Variants in EHBP1 observed in about 807,000 individuals in gnomAD.
EHBP1 encodes the protein EH domain binding protein 1.
Under a neutral mutation model 144.0 loss-of-function variants are expected in EHBP1, and 55 were observed. The ratio of observed to expected loss-of-function variants is 0.38; its 90% CI spans 0.31 to 0.48. EHBP1 has a LOEUF of 0.48. EHBP1 is among the 20% of genes least tolerant of loss of function. The pLI is 0.98. For missense variants in EHBP1, 1,200 were observed against 1,364.2 expected (o/e 0.88, Z 1.90); for synonymous variants, 469 against 472.7 (o/e 0.99, Z 0.10).
At chr2:62,734,343 A>G (rs985075304) in intron 2 of EHBP1, among the ~76,000 whole-genome samples, 3 of 147,732 alleles carry the variant, frequency 2.0e-5, no homozygotes, top group African/African-American at 5.0e-5. Flanking sequence ...ACATTTTAAC[A>G]TTTCCATCTT....
At chr2:62,917,600 CTG>C (rs906830413) in intron 10 of EHBP1, among the ~76,000 whole-genome samples, 66 of 152,260 alleles carry the variant, frequency 4.3e-4, no homozygotes, top group African/African-American at 1.5e-3. Flanking sequence ...ATGCTTTATA[CTG>C]TGAACATAAC....
At chr2:62,953,486 C>T (rs1387282325) in intron 13 of EHBP1, among the ~76,000 whole-genome samples, 1 of 151,750 alleles carries the variant, frequency 6.6e-6, no homozygotes, top group Admixed American at 6.6e-5. Context: ...GAGGTCAAGG[C>T]TGCAGTGAGC....
intron 1 of EHBP1, among the ~76,000 whole-genome samples, chr2:62,676,500 G>C (rs868579675): frequency 3.9e-5 from 6 of 152,218 alleles, no homozygotes; most frequent in South Asian, 4.1e-4. Context: ...TTCACTCTGG[G>C]GGACTGTTTA....
At chr2:62,754,734 C>A (rs4671450) in intron 3 of EHBP1, among the ~76,000 whole-genome samples, 51,150 of 152,066 alleles carry the variant, frequency 0.34, 8,671 homozygotes, top group Middle Eastern at 0.44. Flanking sequence ...GTTCAATCTC[C>A]GACTGCTGTA....
chr2:62,677,617 A>G (rs2033349210), intron 1 of EHBP1, among the ~76,000 whole-genome samples: 1 of 152,078 alleles, frequency 6.6e-6, no homozygotes, highest in Admixed American at 6.6e-5. Context: ...CCCATTAACC[A>G]TCCCCACTTC....
At chr2:62,907,938 A>G (rs372166137) in intron 10 of EHBP1, among the ~76,000 whole-genome samples, 1 of 152,194 alleles carries the variant, frequency 6.6e-6, no homozygotes, top group African/African-American at 2.4e-5. Context: ...TGGAGGAGGA[A>G]CATTTGGCAA....
chr2:62,982,658 G>C (rs1348545547), intron 15 of EHBP1, among the ~76,000 whole-genome samples: 3 of 152,158 alleles, frequency 2.0e-5, no homozygotes, highest in African/African-American at 7.2e-5. Flanking sequence ...AACTAGGGTA[G>C]GAAGATTTTC....
intron 10 of EHBP1, among the ~76,000 whole-genome samples, chr2:62,875,122 C>T (rs1476900953): frequency 6.6e-6 from 1 of 152,196 alleles, no homozygotes; most frequent in Non-Finnish European, 1.5e-5. Context: ...TATGTGCACC[C>T]CACCTCATTG....
chr2:63,025,344 C>T (rs1475754246), intron 19 of EHBP1, among the ~76,000 whole-genome samples: 2 of 152,188 alleles, frequency 1.3e-5, no homozygotes. Flanking sequence ...TCGCTGCAGC[C>T]TCCATCTGTT....
chr2:62,688,675 C>G (rs2033802911), intron 1 of EHBP1, among the ~76,000 whole-genome samples: 1 of 152,068 alleles, frequency 6.6e-6, no homozygotes, highest in Non-Finnish European at 1.5e-5. Context: ...CTTTTCACTT[C>G]TATGAGATCA....
In EHBP1 at chr2:62,729,466, A is replaced by C. The variant is rs564514929; in HGVS notation, c.105-17929A>C. 3.8e-3 allele frequency among the ~76,000 whole-genome samples: 452 copies of C among 119,070 alleles called. 1 individual carries two copies. Among genetic ancestry groups the C allele is most frequent in the Non-Finnish European group, 4.6e-3 (285 of 61,308 alleles). 78.1% of individuals were successfully genotyped at this position (119,070 alleles called of 152,430 possible). A position where few individuals can be genotyped will look rare whatever the true frequency, so the allele number is the denominator to read the frequency against. On this transcript the variant is annotated intron_variant, in intron 2 of 22. Transcript: ENST00000431489. ...TATAATAATAAATATATAATATATA[A>C]ATATATAAAAATATATATAAATATA...
chr2:62,993,029 C>T (rs546630752), intron 16 of EHBP1, among the ~76,000 whole-genome samples: 3 of 152,168 alleles, frequency 2.0e-5, no homozygotes, highest in East Asian at 1.9e-4. Flanking sequence ...TAGGAAGCTC[C>T]GGAAAAGATA....
At position 62,737,234 on chromosome 2, in the gene EHBP1, A is replaced by C. The variant is rs994272171; in HGVS notation, c.105-10161A>C. On this transcript the variant is annotated intron_variant, in intron 2 of 22. Transcript: ENST00000431489. ...CTCGTTAAGAAAAGAATGCTCTGGG[A>C]TAATTCAAAATGGTTTATTTCCCCC... 2.6e-5 allele frequency among the ~76,000 whole-genome samples: 4 copies of C among 152,306 alleles called. No homozygotes were observed. The South Asian group carries it at 8.3e-4, about 32-fold the overall frequency.
chr2:62,763,178 ATTGAAAAATATTACC>A (rs1352105606), intron 3 of EHBP1, among the ~76,000 whole-genome samples: 1 of 152,078 alleles, frequency 6.6e-6, no homozygotes, highest in African/African-American at 2.4e-5. Context: ...TAAGCACCCT[ATTGAAAAATATTACC>A]TTTTCTTACC....
intron 9 of EHBP1, among the ~76,000 whole-genome samples, chr2:62,870,913 A>C (rs115933761): frequency 0.016 from 2,376 of 152,050 alleles, 73 homozygotes; most frequent in African/African-American, 0.055. Context: ...TAAAACCTAA[A>C]AAAGTTCTAA....
At chr2:62,706,742 A>G (rs1012158522) in intron 1 of EHBP1, 155 bp from the exon 2 acceptor site, 1 of 157,430 alleles carries the variant, frequency 6.4e-6, no homozygotes, top group Non-Finnish European at 1.4e-5. Flanking sequence ...CCTTGATGTT[A>G]CTGGCTTTTG....
intron 2 of EHBP1, among the ~76,000 whole-genome samples, chr2:62,726,931 C>T (rs111473441): frequency 7.9e-4 from 120 of 151,920 alleles, no homozygotes; most frequent in Non-Finnish European, 1.4e-3. Context: ...GGTGCGATCT[C>T]GGCTCACTGC....
intron 7 of EHBP1, among the ~76,000 whole-genome samples, chr2:62,834,448 G>T (rs1168135335): frequency 6.6e-6 from 1 of 152,186 alleles, no homozygotes; most frequent in Non-Finnish European, 1.5e-5. Context: ...GTAGTCATCA[G>T]CATCAAGGTA....
At chr2:62,781,319 A>G (rs1558659318) in intron 5 of EHBP1, among the ~76,000 whole-genome samples, 1 of 152,176 alleles carries the variant, frequency 6.6e-6, no homozygotes, top group African/African-American at 2.4e-5. Context: ...TAAGATGTTT[A>G]TAATTTTTTA....
Sources: allele counts gnomAD v4.1 joint callset (sites outside exome capture counted in the v4.1 genomes callset), GRCh38; gene constraint gnomAD v4.1.1; transcripts MANE v1.5; gene names NCBI Gene and HGNC (gene_info 2026-07-23, HGNC 2026-07-21).